Variants in PDE9A observed in about 807,000 individuals in gnomAD.
PDE9A encodes the protein phosphodiesterase 9A.
Under a neutral mutation model 87.4 loss-of-function variants are expected in PDE9A, and 60 were observed. The ratio of observed to expected loss-of-function variants is 0.69; its 90% CI spans 0.56 to 0.85. The LOEUF is 0.85. Among genes scored for constraint, PDE9A ranks in the 40% least tolerant of loss-of-function variants. PDE9A has a pLI of 0.00. For missense variants in PDE9A, 665 were observed against 779.0 expected (o/e 0.85, Z 1.74); for synonymous variants, 272 against 279.4 (o/e 0.97, Z 0.27).
chr21:42,706,018 T>C (rs1161931950), intron 4 of PDE9A, among the ~76,000 whole-genome samples: 1 of 152,110 alleles, frequency 6.6e-6, no homozygotes, highest in Non-Finnish European at 1.5e-5. Context: ...ATCCGCAGAG[T>C]GCGTGCTTGA....
At position 42,692,547 on chromosome 21, in the gene PDE9A, GC is replaced by G. The variant is rs2059906225; in HGVS notation, c.218+4554del. 6.6e-6 allele frequency among the ~76,000 whole-genome samples: 1 copy of G among 152,132 alleles called. No homozygotes were observed. The highest frequency in any genetic ancestry group is 1.5e-5 in the Non-Finnish European group (1 of 68,020). On this transcript the variant is annotated intron_variant, in intron 3 of 19. Coordinates refer to ENST00000291539, the MANE Select transcript of PDE9A (RefSeq NM_002606.3). This position sits in a 1 kb window ranked among gnomAD's most constrained non-coding sequence, Gnocchi z 4.3. ...CAGAATCCGCAGGGGGCTTGGTGGA[GC>G]ACAGAGCTCCCCTCAGTCTCTGGTT... is the stretch of plus-strand genomic sequence containing the variant.
chr21:42,658,800 A>G (rs1420589382), intron 1 of PDE9A, among the ~76,000 whole-genome samples: 4 of 152,202 alleles, frequency 2.6e-5, no homozygotes, highest in African/African-American at 9.7e-5. Context: ...AATTGGTATA[A>G]AAATGGTACT....
In PDE9A at chr21:42,696,660, TG is replaced by T. The variant is rs1178221797; in HGVS notation, c.219-2307del. ...CTTCTCTGCTGCCCACCCTCCACTCTGTCCTCCCAGCCCAGGCCCTTCCTAG... is the reference window on the plus strand; with the variant it reads ...CTTCTCTGCTGCCCACCCTCCACTCTTCCTCCCAGCCCAGGCCCTTCCTAG... On this transcript the variant is annotated intron_variant, in intron 3 of 19. Transcript: ENST00000291539. This position sits in a 1 kb window ranked among gnomAD's most constrained non-coding sequence, Gnocchi z 5.1. Among the ~76,000 whole-genome samples, 1 of 152,182 alleles carries T rather than the reference TG, an allele frequency of 6.6e-6. No individual in the cohort carries two copies. The highest frequency in any genetic ancestry group is 1.9e-4 in the East Asian group (1 of 5,178).
intron 1 of PDE9A, among the ~76,000 whole-genome samples, chr21:42,655,011 C>T (rs1180197568): frequency 6.6e-6 from 1 of 152,186 alleles, no homozygotes; most frequent in Non-Finnish European, 1.5e-5. Flanking sequence ...CAGGACTAGG[C>T]GTCTGCAATT....
rs748781452 is a variant in PDE9A at position 42,705,270 on chromosome 21, A to G, written c.262+6259A>G. Among the ~76,000 whole-genome samples the G allele has an allele frequency of 2.6e-4, 40 of 152,242 alleles. No homozygotes were observed. The highest frequency in any genetic ancestry group is 4.7e-4 in the Non-Finnish European group (32 of 68,044). On this transcript the variant is annotated intron_variant, in intron 4 of 19. Transcript: ENST00000291539. This position sits in a 1 kb window ranked among gnomAD's most constrained non-coding sequence, Gnocchi z 4.3. ...ATAGCAACTACAAAAACCACGACAC[A>G]GGCTTCTCAGCATCTTTTTATAACG...
intron 4 of PDE9A, among the ~76,000 whole-genome samples, chr21:42,709,261 A>G (rs2049093264): frequency 6.6e-6 from 1 of 152,148 alleles, no homozygotes; most frequent in Admixed American, 6.5e-5. Flanking sequence ...ATGAGAACAC[A>G]TGGACACAGG....
intron 1 of PDE9A, among the ~76,000 whole-genome samples, chr21:42,674,150 G>C (rs1234990888): frequency 6.6e-6 from 1 of 152,074 alleles, no homozygotes; most frequent in East Asian, 1.9e-4. Context: ...CCCTGCTAGC[G>C]TGGTCTGAGT....
intron 18 of PDE9A, among the ~76,000 whole-genome samples, chr21:42,772,116 A>G (rs1368253572): frequency 2.0e-5 from 3 of 152,140 alleles, no homozygotes. Context: ...AGCCCCCACA[A>G]AAAGGAGAGA....
At chr21:42,699,212 C>T (rs145987771) in intron 4 of PDE9A, among the ~76,000 whole-genome samples, 14 of 152,316 alleles carry the variant, frequency 9.2e-5, no homozygotes, top group Non-Finnish European at 1.8e-4. Context: ...AATCTGAAAC[C>T]TTGTACTACT....
chr21:42,764,574 C>G (rs1240478379), intron 14 of PDE9A, among the ~76,000 whole-genome samples: 1 of 152,252 alleles, frequency 6.6e-6, no homozygotes, highest in Non-Finnish European at 1.5e-5. Context: ...GAGGCGGCAC[C>G]TGATTGGAGG....
rs11701660 is a variant in PDE9A at position 42,745,836 on chromosome 21, A to T, written c.653+1976A>T. Reference sequence around the variant, plus strand: ...CAGCCCCACCAGCAGCACGAGGGGAAGAGGACAAAAACTGAGTTCTAGTCT... The same window carrying T: ...CAGCCCCACCAGCAGCACGAGGGGATGAGGACAAAAACTGAGTTCTAGTCT... On this transcript the variant is annotated intron_variant, in intron 8 of 19. Transcript: ENST00000291539. Among the ~76,000 whole-genome samples, 462 of 152,334 alleles carry T rather than the reference A, an allele frequency of 3.0e-3. 1 individual carries two copies. Among genetic ancestry groups the T allele is most frequent in the Non-Finnish European group, 4.8e-3 (326 of 68,024 alleles).
At chr21:42,735,470 A>G (rs181868450) in intron 7 of PDE9A, among the ~76,000 whole-genome samples, 1 of 152,350 alleles carries the variant, frequency 6.6e-6, no homozygotes, top group East Asian at 1.9e-4. Context: ...GCAGGCCAGA[A>G]GTCAGAAATC....
intron 7 of PDE9A, among the ~76,000 whole-genome samples, chr21:42,740,380 G>C (rs1452333648): frequency 6.6e-6 from 1 of 151,706 alleles, no homozygotes; most frequent in Non-Finnish European, 1.5e-5. Context: ...GGAGGTAAAG[G>C]TTGCAGTGAG....
At chr21:42,706,355 A>G (rs2048832708) in intron 4 of PDE9A, among the ~76,000 whole-genome samples, 2 of 152,232 alleles carry the variant, frequency 1.3e-5, no homozygotes, top group South Asian at 4.1e-4. Flanking sequence ...TTTAAAGTGT[A>G]CAACCTCAGC....
intron 1 of PDE9A, among the ~76,000 whole-genome samples, chr21:42,655,839 G>T (rs544630667): frequency 6.6e-6 from 1 of 151,534 alleles, no homozygotes; most frequent in South Asian, 2.1e-4. Context: ...TCTCCACGAG[G>T]TCTGTTGCTT....
chr21:42,700,857 T>C (rs991401615), intron 4 of PDE9A: 1 of 152,198 alleles, frequency 6.6e-6, no homozygotes, highest in African/African-American at 2.4e-5. Context: ...CAGCACACCA[T>C]CTTGACTACC....
intron 7 of PDE9A, among the ~76,000 whole-genome samples, chr21:42,734,874 A>G (rs2052224677): frequency 6.6e-6 from 1 of 152,244 alleles, no homozygotes; most frequent in African/African-American, 2.4e-5. Flanking sequence ...ACTGGCACCC[A>G]GGGTCCTGGC....
At chr21:42,734,410 G>A (rs1296192640) in intron 7 of PDE9A, 3 of 152,208 alleles carry the variant, frequency 2.0e-5, no homozygotes, top group Non-Finnish European at 4.4e-5. Flanking sequence ...TCCACTCACA[G>A]CTTGACAAGT....
intron 3 of PDE9A, among the ~76,000 whole-genome samples, chr21:42,690,427 T>C (rs189936768): frequency 6.6e-6 from 1 of 152,238 alleles, no homozygotes; most frequent in Admixed American, 6.5e-5. Flanking sequence ...AATGTGGCTC[T>C]GGACGTAGAA....
Sources: gnomAD v4.1 joint callset for allele counts (sites outside exome capture counted in the v4.1 genomes callset) on GRCh38, gnomAD v4.1.1 for gene constraint, Gnocchi (gnomAD v3.1) non-coding constraint, MANE v1.5 for transcripts, NCBI Gene and HGNC (gene_info 2026-07-23, HGNC 2026-07-21) for gene names.